Variants in STPG2 observed in about 807,000 individuals in gnomAD.
STPG2 encodes the protein sperm tail PG-rich repeat containing 2.
STPG2 carries 56 observed loss-of-function variants against 54.2 expected under a neutral mutation model. The ratio of observed to expected loss-of-function variants is 1.03; its 90% CI spans 0.83 to 1.29. STPG2 has a LOEUF of 1.29. STPG2 is among the 50% of genes most tolerant of loss of function. STPG2 has a pLI of 0.00. For missense variants in STPG2, 596 were observed against 544.9 expected (o/e 1.09, Z -0.93); for synonymous variants, 200 against 181.8 (o/e 1.10, Z -0.81).
intron 8 of STPG2, among the ~76,000 whole-genome samples, chr4:97,905,238 T>C (rs1312798159): frequency 6.6e-6 from 1 of 152,054 alleles, no homozygotes; most frequent in Non-Finnish European, 1.5e-5. Flanking sequence ...GGGAAGCCCA[T>C]CAGACTAACA....
intron 9 of STPG2, among the ~76,000 whole-genome samples, chr4:97,824,624 C>T (rs944581557): frequency 2.0e-5 from 3 of 152,126 alleles, no homozygotes; most frequent in Non-Finnish European, 4.4e-5. Context: ...CTTGTAACCA[C>T]GTGGCACTAC....
chr4:97,559,641 C>G (rs1560659424), intron 10 of STPG2, among the ~76,000 whole-genome samples: 1 of 152,150 alleles, frequency 6.6e-6, no homozygotes, highest in African/African-American at 2.4e-5. Context: ...TGACCTTTGT[C>G]CTAACTTTCT....
intron 8 of STPG2, among the ~76,000 whole-genome samples, chr4:97,901,101 T>A (rs1057001659): frequency 6.6e-6 from 1 of 151,986 alleles, no homozygotes; most frequent in African/African-American, 2.4e-5. Flanking sequence ...TACATAAGTA[T>A]ATGGAAGACT....
intron 7 of STPG2, among the ~76,000 whole-genome samples, chr4:97,969,289 C>G (rs576016736): frequency 3.3e-4 from 50 of 152,204 alleles, no homozygotes; most frequent in African/African-American, 1.2e-3. Context: ...CTGATGCACA[C>G]ACTATGTCGT....
At chr4:97,487,533 C>T (rs1266802632) in intron 4 of STPG2, among the ~76,000 whole-genome samples, 1 of 151,484 alleles carries the variant, frequency 6.6e-6, no homozygotes, top group Non-Finnish European at 1.5e-5. Flanking sequence ...ATTTCCAACA[C>T]ACCATTTTTT....
At chr4:97,637,299 A>T (rs1192052665) in intron 10 of STPG2, among the ~76,000 whole-genome samples, 1 of 152,262 alleles carries the variant, frequency 6.6e-6, no homozygotes, top group African/African-American at 2.4e-5. Context: ...ACAATGCTTC[A>T]TGCTAAAAAC....
chr4:97,948,434 C>G (rs561350819), intron 7 of STPG2, among the ~76,000 whole-genome samples: 2 of 152,012 alleles, frequency 1.3e-5, no homozygotes, highest in African/African-American at 4.8e-5. Flanking sequence ...CTACTCTAAT[C>G]TTTGTTACTT....
At chr4:97,904,614 T>C (rs1400716805) in intron 8 of STPG2, among the ~76,000 whole-genome samples, 2 of 152,196 alleles carry the variant, frequency 1.3e-5, no homozygotes, top group African/African-American at 4.8e-5. Flanking sequence ...AGAGAATGAC[T>C]TTGACGAGCT....
chr4:98,066,044 G>A (rs1374880302), intron 5 of STPG2, among the ~76,000 whole-genome samples: 1 of 151,680 alleles, frequency 6.6e-6, no homozygotes, highest in Non-Finnish European at 1.5e-5. Context: ...TATCAAATAT[G>A]TATATTATAT....
At chr4:97,859,284 A>G (rs1289974208) in intron 8 of STPG2, among the ~76,000 whole-genome samples, 1 of 152,058 alleles carries the variant, frequency 6.6e-6, no homozygotes, top group Non-Finnish European at 1.5e-5. Context: ...AGTTACCTGT[A>G]GATTCTTGAT....
At chr4:98,063,800 G>A (rs2110101176) in intron 5 of STPG2, among the ~76,000 whole-genome samples, 1 of 152,212 alleles carries the variant, frequency 6.6e-6, no homozygotes. Flanking sequence ...AGCACCTTGG[G>A]AGGCCGAGGT....
intron 9 of STPG2, among the ~76,000 whole-genome samples, chr4:97,790,929 C>T (rs1474865174): frequency 2.0e-5 from 3 of 152,156 alleles, no homozygotes; most frequent in African/African-American, 4.8e-5. Flanking sequence ...ATTCTTTCTA[C>T]AAAACCAAAA....
At chr4:97,816,054 C>T (rs1043167514) in intron 9 of STPG2, among the ~76,000 whole-genome samples, 4 of 152,044 alleles carry the variant, frequency 2.6e-5, no homozygotes, top group Admixed American at 6.6e-5. Flanking sequence ...CAACAGGCCT[C>T]AGTGTGTGGT....
chr4:97,633,525 G>C (rs1432214832), intron 10 of STPG2: 2 of 152,560 alleles, frequency 1.3e-5, no homozygotes, highest in Non-Finnish European at 2.9e-5. Context: ...CCAGTCTACA[G>C]CTCCCAGCCT....
At chr4:97,571,289 A>G (rs1308175305) in intron 10 of STPG2, among the ~76,000 whole-genome samples, 1 of 152,062 alleles carries the variant, frequency 6.6e-6, no homozygotes, top group Non-Finnish European at 1.5e-5. Flanking sequence ...CCATAAACCA[A>G]AAATAAAGTT....
intron 6 of STPG2, among the ~76,000 whole-genome samples, chr4:97,977,204 G>A (rs577215415): frequency 9.9e-5 from 15 of 152,146 alleles, no homozygotes; most frequent in South Asian, 6.2e-4. Flanking sequence ...CACAAAGATC[G>A]CATGACTATC....
chr4:97,900,996 T>G (rs960267702), intron 8 of STPG2, among the ~76,000 whole-genome samples: 3 of 151,872 alleles, frequency 2.0e-5, no homozygotes, highest in African/African-American at 7.2e-5. Context: ...ATTTTGCAAA[T>G]CAGGCAACAC....
At chr4:98,019,273 A>C (rs1350621143) in intron 5 of STPG2, among the ~76,000 whole-genome samples, 1 of 152,186 alleles carries the variant, frequency 6.6e-6, no homozygotes, top group African/African-American at 2.4e-5. Context: ...TTAAATAGGG[A>C]ATCCCTTTCC....
chr4:97,752,644 T>C (rs1436121721), intron 9 of STPG2, among the ~76,000 whole-genome samples: 1 of 151,794 alleles, frequency 6.6e-6, no homozygotes, highest in Non-Finnish European at 1.5e-5. Flanking sequence ...CATGTCCTAA[T>C]CCCATACCAC....
Sources: gnomAD v4.1 joint callset for allele counts (sites outside exome capture counted in the v4.1 genomes callset) on GRCh38, gnomAD v4.1.1 for gene constraint, MANE v1.5 for transcripts, NCBI Gene and HGNC (gene_info 2026-07-23, HGNC 2026-07-21) for gene names.